SLCO4A1: variants seen among roughly 807,000 people sequenced by gnomAD.
SLCO4A1 encodes the protein colon organic anion transporter.
In SLCO4A1, 51 loss-of-function variants were observed where a neutral mutation model predicts 64.6. The observed-to-expected ratio is 0.79, with a 90% CI of 0.63 to 1.00. The LOEUF (loss-of-function observed/expected upper bound fraction) is 1.00. Among genes scored for constraint, SLCO4A1 ranks in the 50% least tolerant of loss-of-function variants. The probability of loss-of-function intolerance (pLI) is 0.00; values close to 1 mark genes in which losing one functional copy is unlikely to be tolerated. For missense variants in SLCO4A1, 919 were observed against 980.5 expected (o/e 0.94, Z 0.84); for synonymous variants, 471 against 444.9 (o/e 1.06, Z -0.74).
At position 62,669,051 on chromosome 20, in the gene SLCO4A1, C is replaced by T. The variant is rs749885638; in HGVS notation, c.1998C>T (p.Tyr666=). 1.1e-5 allele frequency: 17 copies of T among 1,611,112 alleles called. No homozygotes were observed. Among genetic ancestry groups the T allele is most frequent in the Non-Finnish European group, 1.3e-5 (15 of 1,179,992 alleles). ...LVYQNSAMSR[Y]ILIMGLLYKV... ...ACCAGAATTCGGCCATGAGCCGCTACATACTCATCATGGGGCTCCTGTACA... is the reference window on the plus strand; with the variant it reads ...ACCAGAATTCGGCCATGAGCCGCTATATACTCATCATGGGGCTCCTGTACA... Residue 666 remains tyrosine, a synonymous_variant, in exon 11 of 12, where the codon TAC becomes TAT. Transcript: ENST00000217159.
At chr20:62,653,217 G>A (rs1027818550) in intron 1 of SLCO4A1, among the ~76,000 whole-genome samples, 1 of 152,228 alleles carries the variant, frequency 6.6e-6, no homozygotes, top group African/African-American at 2.4e-5. Context: ...GAGGAGCCCT[G>A]TGGGGACCGC....
intron 7 of SLCO4A1, among the ~76,000 whole-genome samples, chr20:62,667,139 G>A (rs2147100395): frequency 6.6e-6 from 1 of 152,386 alleles, no homozygotes; most frequent in Non-Finnish European, 1.5e-5. Flanking sequence ...GGGTGGACGG[G>A]GTCACTACGC....
At chr20:62,660,020 C>T (rs1984471013) in intron 3 of SLCO4A1, among the ~76,000 whole-genome samples, 1 of 152,220 alleles carries the variant, frequency 6.6e-6, no homozygotes, top group Middle Eastern at 3.2e-3. Flanking sequence ...TCCAGCTGAG[C>T]CCTCTGGCGT....
In SLCO4A1 at chr20:62,654,918, G is replaced by A. The variant is rs796477219; in HGVS notation, c.-96-1441G>A. 7.7e-4 allele frequency among the ~76,000 whole-genome samples: 118 copies of A among 152,328 alleles called. 1 individual carries two copies. Among genetic ancestry groups the A allele is most frequent in the African/African-American group, 2.7e-3 (114 of 41,574 alleles). ...CCCCCCTCGGAGGCTGTGAGGGAAGGAGCTACTTCCGGCCTCCCTCCCGGG... is the reference window on the plus strand; with the variant it reads ...CCCCCCTCGGAGGCTGTGAGGGAAGAAGCTACTTCCGGCCTCCCTCCCGGG... On this transcript the variant is annotated intron_variant, in intron 1 of 11. Transcript: ENST00000217159.
intron 2 of SLCO4A1, among the ~76,000 whole-genome samples, chr20:62,677,790 C>G (rs1987660989): frequency 6.6e-6 from 1 of 152,228 alleles, no homozygotes; most frequent in Non-Finnish European, 1.5e-5. Context: ...CTTGGGAACC[C>G]AGCGCCACGC....
At chr20:62,678,148 C>T (rs1472165039) in intron 2 of SLCO4A1, among the ~76,000 whole-genome samples, 1 of 152,204 alleles carries the variant, frequency 6.6e-6, no homozygotes. Flanking sequence ...AGGCAGAAAA[C>T]GTGCAGATGC....
intron 1 of SLCO4A1, among the ~76,000 whole-genome samples, chr20:62,654,888 G>T (rs1983350725): frequency 6.6e-6 from 1 of 152,174 alleles, no homozygotes; most frequent in South Asian, 2.1e-4. Context: ...TGTCTGCAAG[G>T]CCGGCCCCCC....
chr20:62,666,717 G>A (rs912521701), intron 7 of SLCO4A1, 142 bp downstream of exon 7: 9 of 702,912 alleles, frequency 1.3e-5, no homozygotes, highest in African/African-American at 3.6e-5. Flanking sequence ...GGCAACACCC[G>A]CTCAGCAGGG....
chr20:62,671,879 CA>C lies in SLCO4A1; in HGVS notation c.2156del (p.Gln719ArgfsTer44). ...TGACAGTGCCACAGATAGCCAGCTC[CA>C]GAGCAGCGTCTGACCACCGCCCGCG... ...APDSATDSQL[Q>X]SSV On this transcript the variant is annotated frameshift_variant, in exon 12 of 12. Coordinates refer to ENST00000217159, the MANE Select transcript of SLCO4A1 (RefSeq NM_016354.4). LOFTEE classifies it high-confidence loss of function. The C allele has an allele frequency of 6.2e-7, 1 of 1,612,036 alleles. No individual in the cohort carries two copies. Among genetic ancestry groups the C allele is most frequent in the South Asian group, 1.1e-5 (1 of 91,078 alleles).
chr20:62,690,234 CA>C (rs778963566), downstream of SLCO4A1, among the ~76,000 whole-genome samples: 16 of 152,330 alleles, frequency 1.1e-4, no homozygotes, highest in East Asian at 1.3e-3. Flanking sequence ...CCCTCTGTCT[CA>C]GGGGCCCACA....
At chr20:62,676,080 T>G (rs1260554443), downstream of SLCO4A1, among the ~76,000 whole-genome samples, 1 of 152,206 alleles carries the variant, frequency 6.6e-6, no homozygotes, top group Non-Finnish European at 1.5e-5. Flanking sequence ...ATTTTCTGGT[T>G]GTTGGACCAG....
chr20:62,678,421 A>T (rs1987687140), intron 2 of SLCO4A1, among the ~76,000 whole-genome samples: 1 of 152,184 alleles, frequency 6.6e-6, no homozygotes, highest in African/African-American at 2.4e-5. Context: ...TCGACAGTTT[A>T]CTATAAAGTT....
chr20:62,643,071 G>C (rs770595738), intron 1 of SLCO4A1: 3 of 469,248 alleles, frequency 6.4e-6, no homozygotes, highest in South Asian at 1.6e-5. Context: ...GAAGTTTCTC[G>C]GGGGCGGCCG....
chr20:62,652,602 G>C (rs1177390474), intron 1 of SLCO4A1, among the ~76,000 whole-genome samples: 12 of 152,232 alleles, frequency 7.9e-5, no homozygotes. Context: ...GTGGCTCTCT[G>C]CCCCTTGGGG....
At chr20:62,670,887 C>G (rs934884018) in intron 11 of SLCO4A1, among the ~76,000 whole-genome samples, 5 of 152,262 alleles carry the variant, frequency 3.3e-5, no homozygotes, top group Non-Finnish European at 5.9e-5. Context: ...AATGCAGGCT[C>G]AGGGCCATCA....
downstream of SLCO4A1, among the ~76,000 whole-genome samples, chr20:62,674,146 C>T (rs1174759026): frequency 2.0e-5 from 3 of 152,232 alleles, no homozygotes; most frequent in Admixed American, 6.5e-5. Context: ...CTCAGAGCTA[C>T]GTCCCGTGGT....
Position 62,667,796 on chromosome 20 carries a change from C to T in SLCO4A1, c.1524C>T (p.Cys508=), listed in dbSNP as rs775400914. Residue 508 remains cysteine, a synonymous_variant, in exon 8 of 12, where the codon TGC becomes TGT. Transcript: ENST00000217159. ...TAACGGCTCCCTGCAACGCTGCCTG[C>T]AGCTGCCAGCCAGAACACTACAGCC... ...LNLTAPCNAA[C]SCQPEHYSPV... 3.7e-6 allele frequency: 6 copies of T among 1,612,122 alleles called. No individual in the cohort carries two copies. In the East Asian group the frequency reaches 1.3e-4, roughly 36 times the overall value.
chr20:62,667,834 CG>C lies in SLCO4A1; in HGVS notation c.1564del (p.Asp522ThrfsTer66). ...QPEHYSPVCG[S>X]DGLMYFSLCH... ...GAACACTACAGCCCTGTGTGCGGCT[CG>C]GACGGCCTCATGTACTTCTCACTGT... On this transcript the variant is annotated frameshift_variant, in exon 8 of 12. Coordinates refer to ENST00000217159, the MANE Select transcript of SLCO4A1 (RefSeq NM_016354.4). LOFTEE classifies it high-confidence loss of function. 1 of 1,613,426 alleles carries C rather than the reference CG, an allele frequency of 6.2e-7. No individual in the cohort carries two copies. The highest frequency in any genetic ancestry group is 1.1e-5 in the South Asian group (1 of 91,078).
At chr20:62,667,148 G>A (rs373049786) in intron 7 of SLCO4A1, among the ~76,000 whole-genome samples, 48 of 152,360 alleles carry the variant, frequency 3.2e-4, no homozygotes, top group African/African-American at 1.1e-3. Flanking sequence ...GGGTCACTAC[G>A]CTGTCCTCAC....
Sources: gnomAD v4.1 joint callset for allele counts (sites outside exome capture counted in the v4.1 genomes callset) on GRCh38, gnomAD v4.1.1 for gene constraint, MANE v1.5 for transcripts, NCBI Gene and HGNC (gene_info 2026-07-23, HGNC 2026-07-21) for gene names.